The following MTHFD2L variants were observed in gnomAD, a reference collection of about 807,000 sequenced individuals.
The protein encoded by MTHFD2L is methylenetetrahydrofolate dehydrogenase (NADP+ dependent) 2 like, also known as bifunctional methylenetetrahydrofolate dehydrogenase/cyclohydrolase 2, mitochondrial.
MTHFD2L carries 29 observed loss-of-function variants against 34.9 expected under a neutral mutation model. The ratio of observed to expected loss-of-function variants is 0.83; its 90% confidence interval spans 0.62 to 1.13. MTHFD2L has a LOEUF of 1.13. Among genes scored for constraint, MTHFD2L ranks in the 50% most tolerant of loss-of-function variants. The pLI, the probability that MTHFD2L is intolerant of heterozygous loss-of-function variation, is 0.00. For synonymous variants in MTHFD2L, 167 were observed against 155.7 expected, an observed-to-expected ratio of 1.07 and a Z score of -0.54; for missense variants, 481 against 446.5, an observed-to-expected ratio of 1.08 and a Z score of -0.70.
At chr4:74,195,629 T>G (rs1733333907) in intron 3 of MTHFD2L, 2 of 152,094 alleles carry the variant, frequency 1.3e-5, no homozygotes, top group Non-Finnish European at 2.9e-5. Flanking sequence ...CTGAGACAAA[T>G]GTCAGTTTAT....
At chr4:74,297,810 A>T (rs1358270431) in intron 7 of MTHFD2L, among the ~76,000 whole-genome samples, 1 of 152,118 alleles carries the variant, frequency 6.6e-6, no homozygotes, top group Admixed American at 6.6e-5. Flanking sequence ...AGCCACCTGC[A>T]GTATTTCATA....
At chr4:74,269,178 A>G (rs922442358) in intron 6 of MTHFD2L, among the ~76,000 whole-genome samples, 1 of 152,176 alleles carries the variant, frequency 6.6e-6, no homozygotes, top group Non-Finnish European at 1.5e-5. Context: ...TAATATTATC[A>G]TCTCAATTAC....
In MTHFD2L at chr4:74,174,588, TC is replaced by T; in HGVS notation, c.229del (p.Gly78GlufsTer9). 1 of 1,608,440 alleles carries T rather than the reference TC, an allele frequency of 6.2e-7. No homozygotes were observed. Among genetic ancestry groups the T allele is most frequent in the South Asian group, 1.1e-5 (1 of 90,130 alleles). ...ACAGCGAGGTGTGGAATCATGGGTT[TC>T]CCTTGGAAACAGAAGACCTCACCTC... Reference protein sequence around the residue: ...EIQRGVESWVSLGNRRPHLSI... With the variant: ...EIQRGVESWVXLGNRRPHLSI... On this transcript the variant is annotated frameshift_variant, in exon 2 of 8. Coordinates refer to ENST00000325278, the MANE Select transcript of MTHFD2L (RefSeq NM_001144978.3). LOFTEE classifies it high-confidence loss of function.
intron 7 of MTHFD2L, among the ~76,000 whole-genome samples, chr4:74,294,638 C>T (rs1236688579): frequency 1.3e-5 from 2 of 151,950 alleles, no homozygotes; most frequent in Non-Finnish European, 2.9e-5. Flanking sequence ...TTTTTGGAGG[C>T]GTCCATATAA....
At chr4:74,289,216 G>C (rs1748577093) in intron 7 of MTHFD2L, among the ~76,000 whole-genome samples, 1 of 152,170 alleles carries the variant, frequency 6.6e-6, no homozygotes, top group African/African-American at 2.4e-5. Context: ...CAAGATAAGA[G>C]GGCTAGAGAA....
intron 1 of MTHFD2L, among the ~76,000 whole-genome samples, chr4:74,131,808 G>A (rs940745611): frequency 6.6e-6 from 1 of 152,166 alleles, no homozygotes; most frequent in African/African-American, 2.4e-5. Context: ...CCTATAGAAT[G>A]AGAGAAAAAT....
chr4:74,245,523 A>G (rs1742309278), intron 6 of MTHFD2L, among the ~76,000 whole-genome samples: 3 of 152,018 alleles, frequency 2.0e-5, no homozygotes, highest in Non-Finnish European at 2.9e-5. Flanking sequence ...CATATTCACA[A>G]TGTGCAGGTT....
intron 3 of MTHFD2L, among the ~76,000 whole-genome samples, chr4:74,184,541 G>C (rs1254790197): frequency 6.6e-6 from 1 of 151,980 alleles, no homozygotes; most frequent in Non-Finnish European, 1.5e-5. Flanking sequence ...TAATATAATT[G>C]CAAGGAAAAA....
chr4:74,186,439 A>AAC (rs1731264795), intron 3 of MTHFD2L, among the ~76,000 whole-genome samples: 1 of 3,194 alleles, frequency 3.1e-4, no homozygotes, highest in Non-Finnish European at 2.4e-3. Flanking sequence ...GGAATCCATG[A>AAC]AAAAAAAAAA....
At chr4:74,240,959 A>G (rs1160745110) in intron 6 of MTHFD2L, among the ~76,000 whole-genome samples, 1 of 152,186 alleles carries the variant, frequency 6.6e-6, no homozygotes, top group Non-Finnish European at 1.5e-5. Context: ...ATCATGTAGT[A>G]TGTGAATTAT....
At chr4:74,164,507 C>T (rs1726217498) in intron 1 of MTHFD2L, among the ~76,000 whole-genome samples, 1 of 152,190 alleles carries the variant, frequency 6.6e-6, no homozygotes. Flanking sequence ...AGACTTTCTG[C>T]TCTCATAATG....
chr4:74,147,069 A>T (rs1419154907), intron 1 of MTHFD2L, among the ~76,000 whole-genome samples: 1 of 152,166 alleles, frequency 6.6e-6, no homozygotes, highest in Non-Finnish European at 1.5e-5. Context: ...GAGTTTCCTT[A>T]AAAACGGTTC....
At chr4:74,275,996 G>T (rs1746597417) in intron 6 of MTHFD2L, among the ~76,000 whole-genome samples, 1 of 152,076 alleles carries the variant, frequency 6.6e-6, no homozygotes. Flanking sequence ...AATTGCTTTT[G>T]GTGATTTCAT....
At chr4:74,225,459 T>C in intron 6 of MTHFD2L, 65 bp downstream of exon 6, 1 of 1,317,050 alleles carries the variant, frequency 7.6e-7, no homozygotes, top group Non-Finnish European at 1.1e-6. Flanking sequence ...CCCTAAATGC[T>C]GACATGTTTG....
In MTHFD2L at chr4:74,291,003, CTTTTTTTTTTTTTTTTTTTTT is replaced by C. The variant is rs10585551; in HGVS notation, c.931+9465_931+9485del. On this transcript the variant is annotated intron_variant, in intron 7 of 7. Transcript: ENST00000325278. ...CTGTCTTACATTTATTTTTCCTTTT[CTTTTTTTTTTTTTTTTTTTTT>C]TTTTTTTTTTTGAGATGGAGTCTTG... Among the ~76,000 whole-genome samples, 140 of 29,290 alleles carry C rather than the reference CTTTTTTTTTTTTTTTTTTTTT, an allele frequency of 4.8e-3. 11 individuals carry two copies. The highest frequency in any genetic ancestry group is 2.3e-3 in the Non-Finnish European group (36 of 15,368). The allele number at this position is 29,290 out of a possible 152,430, so 19.2% of individuals were successfully genotyped here. A position where few individuals can be genotyped will look rare whatever the true frequency, so the allele number is the denominator to read the frequency against.
chr4:74,297,482 G>A (rs1210935217), intron 7 of MTHFD2L, among the ~76,000 whole-genome samples: 1 of 151,848 alleles, frequency 6.6e-6, no homozygotes, highest in African/African-American at 2.4e-5. Flanking sequence ...ACACAAATAT[G>A]CCCTCACACC....
At chr4:74,161,665 T>C (rs1725496085) in intron 1 of MTHFD2L, 1 of 152,242 alleles carries the variant, frequency 6.6e-6, no homozygotes, top group African/African-American at 2.4e-5. Flanking sequence ...GAGGGACTAG[T>C]ATTAATTTTA....
At chr4:74,245,616 A>G (rs1234037784) in intron 6 of MTHFD2L, among the ~76,000 whole-genome samples, 2 of 152,004 alleles carry the variant, frequency 1.3e-5, no homozygotes, top group Non-Finnish European at 2.9e-5. Flanking sequence ...TCCTAATGCT[A>G]TCCCTCCCTC....
intron 5 of MTHFD2L, 146 bp from the exon 6 acceptor site, chr4:74,225,156 G>A (rs1738939763): frequency 9.4e-6 from 6 of 636,678 alleles, no homozygotes; most frequent in Non-Finnish European, 1.3e-5. Context: ...TGGTTTTCTT[G>A]TATAGCTTTT....
Sources: allele counts gnomAD v4.1 joint callset (sites outside exome capture counted in the v4.1 genomes callset), GRCh38; gene constraint gnomAD v4.1.1; transcripts MANE v1.5; gene names NCBI Gene and HGNC (gene_info 2026-07-23, HGNC 2026-07-21).